MTURN: variants seen among roughly 807,000 people sequenced by gnomAD.
MTURN encodes the protein maturin, neural progenitor differentiation regulator homolog.
A neutral mutation model predicts 14.9 loss-of-function variants in MTURN; 7 were observed. The observed-to-expected ratio is 0.47, with a 90% CI of 0.27 to 0.88. The LOEUF is 0.88. MTURN is among the 40% of genes least tolerant of loss of function. MTURN has a pLI of 0.14. For synonymous variants in MTURN, 69 were observed against 72.5 expected (o/e 0.95, Z 0.25); for missense variants, 151 against 174.1 (o/e 0.87, Z 0.75).
intron 2 of MTURN, among the ~76,000 whole-genome samples, chr7:30,153,489 G>A (rs1011213479): frequency 6.6e-6 from 1 of 152,168 alleles, no homozygotes; most frequent in African/African-American, 2.4e-5. Flanking sequence ...GGGTGGCCTG[G>A]TGGGTAGGGG....
At chr7:30,148,405 C>T (rs929139685) in intron 2 of MTURN, among the ~76,000 whole-genome samples, 4 of 152,198 alleles carry the variant, frequency 2.6e-5, no homozygotes, top group Non-Finnish European at 5.9e-5. Flanking sequence ...TGGGCTCTTA[C>T]TCTGGAGTGA....
intron 2 of MTURN, among the ~76,000 whole-genome samples, chr7:30,155,571 C>T (rs1336547124): frequency 6.6e-6 from 1 of 152,210 alleles, no homozygotes; most frequent in Non-Finnish European, 1.5e-5. Context: ...GGAGCACCCT[C>T]TCCGGGGAGC....
intron 2 of MTURN, among the ~76,000 whole-genome samples, chr7:30,155,287 A>G (rs927481053): frequency 6.6e-5 from 10 of 152,164 alleles, no homozygotes; most frequent in Non-Finnish European, 1.5e-4. Flanking sequence ...TATATTGTTT[A>G]GGTAATTTTG....
chr7:30,142,776 A>C (rs967010052), intron 1 of MTURN, among the ~76,000 whole-genome samples: 1 of 152,156 alleles, frequency 6.6e-6, no homozygotes, highest in Non-Finnish European at 1.5e-5. Context: ...CTTTAGTCCA[A>C]GGGAGTCCTG....
chr7:30,159,907 T>C lies in MTURN; in HGVS notation c.*2359T>C, dbSNP rs967914264. On this transcript the variant is annotated 3_prime_UTR_variant, in exon 3 of 3. Transcript: ENST00000324453. Reference sequence around the variant, plus strand: ...GCCTGGCAGCCTGTGGTTTCTGTTATGGAAATGGTTCCATGGTGAAACACA... The same window carrying C: ...GCCTGGCAGCCTGTGGTTTCTGTTACGGAAATGGTTCCATGGTGAAACACA... 1 of 152,486 alleles carries C rather than the reference T, an allele frequency of 6.6e-6. No individual in the cohort carries two copies. The highest frequency in any genetic ancestry group is 2.4e-5 in the African/African-American group (1 of 41,470). The allele number at this position is 152,486 out of a possible 1,614,324, so 9.4% of individuals were successfully genotyped here. A position where few individuals can be genotyped will look rare whatever the true frequency, so the allele number is the denominator to read the frequency against.
rs981619845 is a variant in MTURN at position 30,162,108 on chromosome 7, G to A, written c.*4560G>A. 1 of 152,114 alleles carries A rather than the reference G, an allele frequency of 6.6e-6. No homozygotes were observed. The highest frequency in any genetic ancestry group is 1.5e-5 in the Non-Finnish European group (1 of 68,030). The allele number at this position is 152,114 out of a possible 1,614,324, so 9.4% of individuals were successfully genotyped here. ...ACCCCATTTAAAGCACTATAAGGCT[G>A]AATAGGCACAAGCGATTAAAAGTAG... is the stretch of plus-strand genomic sequence containing the variant. On this transcript the variant is annotated 3_prime_UTR_variant, in exon 3 of 3. Coordinates refer to ENST00000324453, the MANE Select transcript of MTURN (RefSeq NM_152793.3).
intron 2 of MTURN, among the ~76,000 whole-genome samples, chr7:30,152,773 A>G (rs901025911): frequency 6.6e-6 from 1 of 152,198 alleles, no homozygotes; most frequent in African/African-American, 2.4e-5. Flanking sequence ...GGCCTCACAT[A>G]GTTTACACTA....
intron 1 of MTURN, chr7:30,145,852 G>A (rs370058027): frequency 6.7e-4 from 1,027 of 1,542,238 alleles, no homozygotes; most frequent in Non-Finnish European, 8.5e-4. Flanking sequence ...TCTGAAAACC[G>A]CCCTTAGCCT....
chr7:30,155,733 G>C (rs1390957942), intron 2 of MTURN, among the ~76,000 whole-genome samples: 1 of 152,232 alleles, frequency 6.6e-6, no homozygotes, highest in Non-Finnish European at 1.5e-5. Flanking sequence ...ATGCCTAGCA[G>C]ATGATTTTGT....
chr7:30,153,610 G>A (rs1797242860), intron 2 of MTURN, among the ~76,000 whole-genome samples: 1 of 152,136 alleles, frequency 6.6e-6, no homozygotes, highest in African/African-American at 2.4e-5. Flanking sequence ...CTGTAAAAGG[G>A]GGACAATAAA....
intron 2 of MTURN, 92 bp from the exon 3 acceptor site, chr7:30,157,346 C>A: frequency 2.9e-6 from 3 of 1,040,838 alleles, no homozygotes; most frequent in Non-Finnish European, 2.7e-6. Flanking sequence ...GGGTTAAGTA[C>A]TCTTTAATGT....
intron 1 of MTURN, among the ~76,000 whole-genome samples, chr7:30,142,797 A>G (rs935763426): frequency 1.3e-5 from 2 of 152,174 alleles, no homozygotes; most frequent in African/African-American, 4.8e-5. Flanking sequence ...CAGGCTGTTG[A>G]CGCTCTGACT....
chr7:30,161,630 CAGGG>C lies in MTURN; in HGVS notation c.*4083_*4086del, dbSNP rs2128035569. Reference sequence around the variant, plus strand: ...AGGAGTGCCCCCTCAGGCCAGAGGGCAGGGCCAACCTCCTCACTGTGCTTCAAGG... The same window carrying C: ...AGGAGTGCCCCCTCAGGCCAGAGGGCCCAACCTCCTCACTGTGCTTCAAGG... On this transcript the variant is annotated 3_prime_UTR_variant, in exon 3 of 3. Transcript: ENST00000324453. The C allele has an allele frequency of 6.6e-6, 1 of 152,360 alleles. No homozygotes were observed. Among genetic ancestry groups the C allele is most frequent in the East Asian group, 1.9e-4 (1 of 5,188 alleles). The allele number at this position is 152,360 out of a possible 1,614,324, so 9.4% of individuals were successfully genotyped here.
intron 1 of MTURN, among the ~76,000 whole-genome samples, chr7:30,141,815 G>T (rs1285029352): frequency 6.6e-6 from 1 of 152,150 alleles, no homozygotes. Context: ...GAGCCACCAG[G>T]CCTGGCCAGG....
In MTURN at chr7:30,162,300, C is replaced by T. The variant is rs1797386286; in HGVS notation, c.*4752C>T. Reference sequence around the variant, plus strand: ...ATTTTTTACTAAGCCCCTTCTGACACCTAGGCAGATAAAGATAAGAGTAGT... The same window carrying T: ...ATTTTTTACTAAGCCCCTTCTGACATCTAGGCAGATAAAGATAAGAGTAGT... On this transcript the variant is annotated 3_prime_UTR_variant, in exon 3 of 3. Coordinates refer to ENST00000324453, the MANE Select transcript of MTURN (RefSeq NM_152793.3). The T allele has an allele frequency of 6.6e-6, 1 of 152,084 alleles. No individual in the cohort carries two copies. 9.4% of individuals were successfully genotyped at this position (152,084 alleles called of 1,614,324 possible). A position where few individuals can be genotyped will look rare whatever the true frequency, so the allele number is the denominator to read the frequency against.
At chr7:30,136,463 C>T (rs1421728545) in intron 1 of MTURN, among the ~76,000 whole-genome samples, 1 of 152,112 alleles carries the variant, frequency 6.6e-6, no homozygotes, top group East Asian at 1.9e-4. Flanking sequence ...TGGTGCGGGG[C>T]GCGGCCTGGT....
intron 2 of MTURN, among the ~76,000 whole-genome samples, chr7:30,148,678 G>A (rs960294857): frequency 6.6e-6 from 1 of 151,946 alleles, no homozygotes. Flanking sequence ...GAAGTGGGAT[G>A]TGGGAAAAAG....
intron 1 of MTURN, chr7:30,137,416 C>T (rs1796981095): frequency 1.2e-5 from 4 of 338,718 alleles, no homozygotes; most frequent in South Asian, 9.5e-5. Context: ...GTGTATCCAA[C>T]CATCGTTCAG....
rs1797370154 is a variant in MTURN, at chr7:30,161,264, ATGGGAGAGT to A, written c.*3721_*3729del. On this transcript the variant is annotated 3_prime_UTR_variant, in exon 3 of 3. Transcript: ENST00000324453. ...GGTGGGAGGAGATGAATAAGGGAGAATGGGAGAGTTGGGGTCTGACAGTTACCACCTGAG... is the reference window on the plus strand; with the variant it reads ...GGTGGGAGGAGATGAATAAGGGAGAATGGGGTCTGACAGTTACCACCTGAG... The A allele has an allele frequency of 6.6e-6, 1 of 152,284 alleles. No homozygotes were observed. Among genetic ancestry groups the A allele is most frequent in the Non-Finnish European group, 1.5e-5 (1 of 68,046 alleles). The allele number at this position is 152,284 out of a possible 1,614,324, so 9.4% of individuals were successfully genotyped here.
Sources: gnomAD v4.1 joint callset for allele counts (sites outside exome capture counted in the v4.1 genomes callset) on GRCh38, gnomAD v4.1.1 for gene constraint, MANE v1.5 for transcripts, NCBI Gene and HGNC (gene_info 2026-07-23, HGNC 2026-07-21) for gene names.